The following TSPAN7 variants were observed in gnomAD, a reference collection of about 807,000 sequenced individuals.
TSPAN7 encodes tetraspanin-7.
In TSPAN7, 1 loss-of-function variant was observed where a neutral mutation model predicts 17.6. That is an observed-to-expected ratio of 0.06 (90% confidence interval 0.02 to 0.27). The LOEUF (loss-of-function observed/expected upper bound fraction) is 0.27, where lower values mean the gene tolerates loss of function less well. Among genes scored for constraint, TSPAN7 ranks in the 10% least tolerant of loss-of-function variants. The pLI, the probability that TSPAN7 is intolerant of heterozygous loss-of-function variation, is 1.00. For missense variants in TSPAN7, 112 were observed against 201.7 expected, an observed-to-expected ratio of 0.56 and a Z score of 2.69; for synonymous variants, 78 against 79.0, an observed-to-expected ratio of 0.99 and a Z score of 0.07.
intron 1 of TSPAN7, among the ~76,000 whole-genome samples, chrX:38,591,830 C>T (rs934173031): frequency 8.9e-6 from 1 of 112,263 alleles, no homozygotes; most frequent in Non-Finnish European, 1.9e-5. Flanking sequence ...AACAACATAA[C>T]CACTCCAGTT....
At chrX:38,672,604 G>T (rs1176894105) in intron 3 of TSPAN7, among the ~76,000 whole-genome samples, 1 of 111,406 alleles carries the variant, frequency 9.0e-6, no homozygotes, top group African/African-American at 3.3e-5. Context: ...AGTGCCCCTC[G>T]TGCATGTATG....
intron 1 of TSPAN7, among the ~76,000 whole-genome samples, chrX:38,651,788 AC>A (rs2069677591): frequency 8.9e-6 from 1 of 112,104 alleles, no homozygotes; most frequent in African/African-American, 3.2e-5. Flanking sequence ...ATATACCATT[AC>A]TAATAGCACC....
At position 38,607,224 on chromosome X, in the gene TSPAN7, T is replaced by A. The variant is rs1014130751; in HGVS notation, c.81+45597T>A. 3.6e-5 allele frequency among the ~76,000 whole-genome samples: 4 copies of A among 111,813 alleles called. No individual in the cohort carries two copies. The Admixed American group carries it at 3.8e-4, about 11-fold the overall frequency. ...CTCCTTCATGCTCCAGAGACTGCACTGGGCTGCTCTGTAATGGTTGCCACA... is the reference window on the plus strand; with the variant it reads ...CTCCTTCATGCTCCAGAGACTGCACAGGGCTGCTCTGTAATGGTTGCCACA... On this transcript the variant is annotated intron_variant, in intron 1 of 7. Coordinates refer to ENST00000378482, the MANE Select transcript of TSPAN7 (RefSeq NM_004615.4).
At chrX:38,641,404 C>T (rs898435128) in intron 1 of TSPAN7, among the ~76,000 whole-genome samples, 1 of 111,731 alleles carries the variant, frequency 9.0e-6, no homozygotes, top group Non-Finnish European at 1.9e-5. Context: ...TTCAGGGTGG[C>T]GTTGACAGAG....
At chrX:38,603,272 A>G (rs1003888915) in intron 1 of TSPAN7, among the ~76,000 whole-genome samples, 5 of 112,143 alleles carry the variant, frequency 4.5e-5, no homozygotes, top group Non-Finnish European at 5.6e-5. Context: ...GTTGGCAAGG[A>G]TGTAGAAAAG....
intron 1 of TSPAN7, among the ~76,000 whole-genome samples, chrX:38,620,236 C>T (rs1354929704): frequency 4.5e-5 from 5 of 111,977 alleles, no homozygotes; most frequent in African/African-American, 1.6e-4. Context: ...GATAGGCCGT[C>T]AGGAAAATCC....
intron 6 of TSPAN7, among the ~76,000 whole-genome samples, chrX:38,686,230 G>A (rs759212262): frequency 6.2e-4 from 69 of 112,159 alleles, no homozygotes; most frequent in Non-Finnish European, 9.4e-4. Flanking sequence ...ACCTGAAAGC[G>A]GTTATAGTTT....
intron 5 of TSPAN7, among the ~76,000 whole-genome samples, chrX:38,679,312 C>T (rs751078811): frequency 1.8e-5 from 2 of 112,183 alleles, no homozygotes; most frequent in South Asian, 7.5e-4. Context: ...TTTGAGCTTA[C>T]ATAACACTGG....
At chrX:38,571,098 A>G (rs1406489982) in intron 1 of TSPAN7, among the ~76,000 whole-genome samples, 1 of 111,677 alleles carries the variant, frequency 9.0e-6, no homozygotes, top group East Asian at 2.8e-4. Context: ...TTTAAACATC[A>G]CATTTTGACT....
chrX:38,646,269 A>G (rs1428919142), intron 1 of TSPAN7: 1 of 1,153,514 alleles, frequency 8.7e-7, no homozygotes, highest in African/African-American at 1.8e-5. Context: ...AAGAAAGAAA[A>G]GGCTGCAGGA....
chrX:38,663,606 C>T (rs745906551), intron 1 of TSPAN7, among the ~76,000 whole-genome samples: 1 of 112,034 alleles, frequency 8.9e-6, no homozygotes, highest in Admixed American at 9.4e-5. Context: ...ATTTTATGAC[C>T]ATTTTAACAA....
intron 1 of TSPAN7, among the ~76,000 whole-genome samples, chrX:38,578,839 G>A (rs1478040419): frequency 9.0e-6 from 1 of 111,561 alleles, no homozygotes; most frequent in Non-Finnish European, 1.9e-5. Context: ...ATAAGCATAT[G>A]TGTACATGTA....
rs141455347 is a variant in TSPAN7, at chrX:38,583,531, T to C, written c.81+21904T>C. On this transcript the variant is annotated intron_variant, in intron 1 of 7. Coordinates refer to ENST00000378482, the MANE Select transcript of TSPAN7 (RefSeq NM_004615.4). ...TGAATAAAATGAACAAGATGATCTG[T>C]CAGGAAGGGAGGAAAATAGACAATA... Among the ~76,000 whole-genome samples the C allele has an allele frequency of 9.7e-3, 1,086 of 112,266 alleles. 11 individuals are homozygous for C. Among genetic ancestry groups the C allele is most frequent in the South Asian group, 0.058 (155 of 2,687 alleles).
At chrX:38,608,287 A>G (rs2069396927) in intron 1 of TSPAN7, 1 of 109,934 alleles carries the variant, frequency 9.1e-6, no homozygotes, top group African/African-American at 3.3e-5. Flanking sequence ...CCACCAAAAA[A>G]TATATATATA....
intron 4 of TSPAN7, among the ~76,000 whole-genome samples, chrX:38,674,800 C>T (rs763134082): frequency 2.7e-5 from 3 of 110,205 alleles, no homozygotes; most frequent in East Asian, 2.8e-4. Context: ...TGATGCTTTG[C>T]GGAGGATATG....
Position 38,565,355 on chromosome X carries a change from G to C in TSPAN7, c.81+3728G>C, listed in dbSNP as rs1426395204. Reference sequence around the variant, plus strand: ...AGTGATTCTCCTGCCTCAGCCTGCCGAGTAGCTGGGACTACAGGTGTGTGC... The same window carrying C: ...AGTGATTCTCCTGCCTCAGCCTGCCCAGTAGCTGGGACTACAGGTGTGTGC... On this transcript the variant is annotated intron_variant, in intron 1 of 7. Transcript: ENST00000378482. Among the ~76,000 whole-genome samples the C allele has an allele frequency of 2.7e-5, 3 of 111,524 alleles. No individual in the cohort carries two copies. The Admixed American group carries it at 2.8e-4, about 11-fold the overall frequency.
intron 6 of TSPAN7, among the ~76,000 whole-genome samples, chrX:38,681,567 C>T (rs781277192): frequency 1.1e-4 from 12 of 112,260 alleles, no homozygotes; most frequent in Non-Finnish European, 2.1e-4. Flanking sequence ...AACTGAAGAA[C>T]GTGCTGGCAT....
chrX:38,616,949 A>G (rs1569307433), intron 1 of TSPAN7, among the ~76,000 whole-genome samples: 2 of 112,026 alleles, frequency 1.8e-5, no homozygotes, highest in South Asian at 3.7e-4. Context: ...CTTGATAAAT[A>G]TCGACTTTGA....
intron 1 of TSPAN7, among the ~76,000 whole-genome samples, chrX:38,582,561 C>A (rs1161511288): frequency 9.0e-6 from 1 of 111,560 alleles, no homozygotes; most frequent in Non-Finnish European, 1.9e-5. Flanking sequence ...CTCTGACCTC[C>A]CTTTGCACGA....
Sources: allele counts gnomAD v4.1 joint callset (sites outside exome capture counted in the v4.1 genomes callset), GRCh38; gene constraint gnomAD v4.1.1; transcripts MANE v1.5; gene names NCBI Gene and HGNC (gene_info 2026-07-23, HGNC 2026-07-21).